Variants in IL12B observed in about 807,000 individuals in gnomAD.
IL12B encodes the protein interleukin-12 subunit beta.
In IL12B, 27 loss-of-function variants were observed where a neutral mutation model predicts 39.2. The observed-to-expected ratio is 0.69, with a 90% CI of 0.51 to 0.95. IL12B has a LOEUF of 0.95. Ranked by LOEUF, IL12B falls within the 40% of genes least tolerant of loss-of-function variation. IL12B has a pLI of 0.00. For missense variants in IL12B, 351 were observed against 397.6 expected, an observed-to-expected ratio of 0.88 and a Z score of 1.00; for synonymous variants, 142 against 152.1, an observed-to-expected ratio of 0.93 and a Z score of 0.49.
intron 2 of IL12B, among the ~76,000 whole-genome samples, chr5:159,325,246 C>T (rs945000315): frequency 6.6e-6 from 1 of 152,146 alleles, no homozygotes; most frequent in African/African-American, 2.4e-5. Context: ...TATGCCAGGA[C>T]CAAGGTTCCT....
At chr5:159,316,534 C>A (rs1753992629) in intron 7 of IL12B, 151 bp downstream of exon 7, 3 of 779,278 alleles carry the variant, frequency 3.8e-6, no homozygotes, top group Non-Finnish European at 6.5e-6. Flanking sequence ...AAATAAATAT[C>A]TGTTAGTGAA....
At chr5:159,329,611 C>T (rs1754244358) in intron 1 of IL12B, among the ~76,000 whole-genome samples, 1 of 151,980 alleles carries the variant, frequency 6.6e-6, no homozygotes, top group Non-Finnish European at 1.5e-5. Flanking sequence ...GATTCCATGA[C>T]TTATTAGTAG....
rs1247674781 is a variant in IL12B, at chr5:159,315,669, TA to T, written c.*431del. 2.6e-5 allele frequency: 4 copies of T among 152,922 alleles called. No individual in the cohort carries two copies. The East Asian group carries it at 7.5e-4, about 29-fold the overall frequency. The allele number at this position is 152,922 out of a possible 1,614,324, so 9.5% of individuals were successfully genotyped here. A position where few individuals can be genotyped will look rare whatever the true frequency, so the allele number is the denominator to read the frequency against. On this transcript the variant is annotated 3_prime_UTR_variant, in exon 8 of 8. Transcript: ENST00000231228. ...AACACTGCATTCTTCCTGATTGTCA[TA>T]AAACTGATGTACTTGCAGCCTTGCT...
chr5:159,327,303 G>A (rs542770242), intron 1 of IL12B, among the ~76,000 whole-genome samples: 16 of 152,256 alleles, frequency 1.1e-4, no homozygotes, highest in African/African-American at 3.1e-4. Context: ...ATGCCTCCCC[G>A]CCAGCTGGGG....
intron 4 of IL12B, among the ~76,000 whole-genome samples, chr5:159,321,437 T>A (rs1267867167): frequency 6.6e-6 from 1 of 151,488 alleles, no homozygotes; most frequent in African/African-American, 2.4e-5. Flanking sequence ...CATCTCTACA[T>A]TATATATATC....
Position 159,323,082 on chromosome 5 carries a change from C to T in IL12B, c.336G>A (p.Trp112Ter). The change falls in exon 3 of 8, where the codon TGG becomes TGA. Residue 112 changes from tryptophan to a stop codon, truncating the protein, a stop_gained. Transcript: ENST00000231228. LOFTEE classifies it high-confidence loss of function. Reference sequence around the variant, plus strand: ...TCTGGTCCTTTAAAATATCAGTGGACCAAATTCCATCTTCCTTTTTGTGAA... The same window carrying T: ...TCTGGTCCTTTAAAATATCAGTGGATCAAATTCCATCTTCCTTTTTGTGAA... ...LLLHKKEDGI[W>*]STDILKDQKE... The T allele has an allele frequency of 3.1e-6, 5 of 1,614,100 alleles. No individual in the cohort carries two copies. The highest frequency in any genetic ancestry group is 4.2e-6 in the Non-Finnish European group (5 of 1,180,010).
At position 159,314,874 on chromosome 5, in the gene IL12B, A is replaced by G. The variant is rs560735709; in HGVS notation, c.*1227T>C. 1.3e-5 allele frequency: 2 copies of G among 152,532 alleles called. No homozygotes were observed. Among genetic ancestry groups the G allele is most frequent in the African/African-American group, 4.8e-5 (2 of 41,600 alleles). 9.4% of individuals were successfully genotyped at this position (152,532 alleles called of 1,614,324 possible). A position where few individuals can be genotyped will look rare whatever the true frequency, so the allele number is the denominator to read the frequency against. Reference sequence around the variant, plus strand: ...CAGGAAACAAATGTAATCACTTTACAGAGCGCACATACATTACTTAAAAGT... The same window carrying G: ...CAGGAAACAAATGTAATCACTTTACGGAGCGCACATACATTACTTAAAAGT... On this transcript the variant is annotated 3_prime_UTR_variant, in exon 8 of 8. Coordinates refer to ENST00000231228, the MANE Select transcript of IL12B (RefSeq NM_002187.3).
At chr5:159,330,102 T>A (rs1313674078) in intron 1 of IL12B, among the ~76,000 whole-genome samples, 2 of 152,206 alleles carry the variant, frequency 1.3e-5, no homozygotes, top group East Asian at 3.8e-4. Context: ...ATCCTTTAAC[T>A]GATGGGCATT....
At position 159,323,219 on chromosome 5, in the gene IL12B, C is replaced by T. The variant is rs1754130621; in HGVS notation, c.199G>A (p.Glu67Lys). The change falls in exon 3 of 8, where the codon GAG (glutamate) becomes AAG (lysine). Residue 67 changes from glutamate (E) to lysine (K), a missense_variant. Transcript: ENST00000231228. ...GITWTLDQSS[E>K]VLGSGKTLTI... ...AGGGTTTTGCCAGAGCCTAAGACCTCACTGCTCTGGTCCAAGGTCCAGGTG... is the reference window on the plus strand; with the variant it reads ...AGGGTTTTGCCAGAGCCTAAGACCTTACTGCTCTGGTCCAAGGTCCAGGTG... The T allele has an allele frequency of 6.2e-7, 1 of 1,614,130 alleles. No homozygotes were observed. The highest frequency in any genetic ancestry group is 8.5e-7 in the Non-Finnish European group (1 of 1,180,008).
intron 4 of IL12B, 127 bp downstream of exon 4, chr5:159,322,267 G>A: frequency 1.3e-6 from 1 of 767,856 alleles, no homozygotes; most frequent in Non-Finnish European, 2.4e-6. Flanking sequence ...AAGGGCGGTT[G>A]AAAAAACACG....
At chr5:159,321,487 T>C (rs1754093320) in intron 4 of IL12B, among the ~76,000 whole-genome samples, 1 of 152,078 alleles carries the variant, frequency 6.6e-6, no homozygotes. Flanking sequence ...ATTTTATTTT[T>C]ATGAACTAGG....
chr5:159,320,240 G>C lies in IL12B; in HGVS notation c.697+66C>G, dbSNP rs1754062902. ...CAACCACCTACCCCACAGTGCATGG[G>C]GCATTGTGAACACGTGACAAATAGT... is the stretch of plus-strand genomic sequence containing the variant. On this transcript the variant is annotated intron_variant, in intron 5 of 7. Coordinates refer to ENST00000231228, the MANE Select transcript of IL12B (RefSeq NM_002187.3). 6.8e-6 allele frequency: 9 copies of C among 1,330,620 alleles called. No individual in the cohort carries two copies. The South Asian group carries it at 1.1e-4, about 16-fold the overall frequency. 82.4% of individuals were successfully genotyped at this position (1,330,620 alleles called of 1,614,324 possible).
rs1584754881 is a variant in IL12B at position 159,322,980 on chromosome 5, A to G, written c.364+74T>C. Reference sequence around the variant, plus strand: ...ACACTCACCATGACTTGGCTTTTCAATTTGTTGTTGTTGTTGTTTTTAACT... The same window carrying G: ...ACACTCACCATGACTTGGCTTTTCAGTTTGTTGTTGTTGTTGTTTTTAACT... On this transcript the variant is annotated intron_variant, in intron 3 of 7. Coordinates refer to ENST00000231228, the MANE Select transcript of IL12B (RefSeq NM_002187.3). The G allele has an allele frequency of 2.1e-6, 3 of 1,451,270 alleles. No individual in the cohort carries two copies. In the East Asian group the frequency reaches 6.8e-5, roughly 33 times the overall value. The allele number at this position is 1,451,270 out of a possible 1,614,324, so 89.9% of individuals were successfully genotyped here.
intron 6 of IL12B, 107 bp from the exon 7 acceptor site, chr5:159,316,923 C>G: frequency 7.8e-7 from 1 of 1,277,560 alleles, no homozygotes; most frequent in Non-Finnish European, 1.1e-6. Context: ...CCATCTTGGT[C>G]TTAGGGCACT....
chr5:159,317,548 T>G (rs1754008385), intron 6 of IL12B, among the ~76,000 whole-genome samples: 1 of 152,194 alleles, frequency 6.6e-6, no homozygotes, highest in African/African-American at 2.4e-5. Flanking sequence ...CTATGCTGAA[T>G]TAGGGCTTTG....
At chr5:159,321,492 A>C (rs1384034478) in intron 4 of IL12B, among the ~76,000 whole-genome samples, 2 of 152,058 alleles carry the variant, frequency 1.3e-5, no homozygotes, top group African/African-American at 4.8e-5. Context: ...ATTTTTATGA[A>C]CTAGGATCAA....
At chr5:159,326,367 A>G (rs1284644835) in intron 2 of IL12B, among the ~76,000 whole-genome samples, 1 of 152,212 alleles carries the variant, frequency 6.6e-6, no homozygotes, top group African/African-American at 2.4e-5. Context: ...TACTTTGCAA[A>G]TCCTCTACTT....
At chr5:159,317,070 A>G (rs1487457670) in intron 6 of IL12B, among the ~76,000 whole-genome samples, 2 of 152,098 alleles carry the variant, frequency 1.3e-5, no homozygotes, top group Non-Finnish European at 2.9e-5. Context: ...TTCTAGCACA[A>G]TTGCCTTGCC....
At chr5:159,318,676 T>G in intron 6 of IL12B, 60 bp downstream of exon 6, 3 of 1,448,246 alleles carry the variant, frequency 2.1e-6, no homozygotes, top group Non-Finnish European at 2.9e-6. Context: ...ATCTTCTCAC[T>G]TTATGGTGGG....
Sources: allele counts gnomAD v4.1 joint callset (sites outside exome capture counted in the v4.1 genomes callset), GRCh38; gene constraint gnomAD v4.1.1; transcripts MANE v1.5; gene names NCBI Gene and HGNC (gene_info 2026-07-23, HGNC 2026-07-21).